The following CAMK1D variants were observed in gnomAD, a reference collection of about 807,000 sequenced individuals.
CAMK1D encodes calcium/calmodulin-dependent protein kinase type 1D.
CAMK1D carries 9 observed loss-of-function variants against 47.7 expected under a neutral mutation model. The observed-to-expected ratio is 0.19, with a 90% confidence interval of 0.11 to 0.33. The LOEUF is 0.33. Among genes scored for constraint, CAMK1D ranks in the 10% least tolerant of loss-of-function variants. The pLI, the probability that CAMK1D is intolerant of heterozygous loss-of-function variation, is 1.00. For missense variants in CAMK1D, 291 were observed against 488.7 expected (o/e 0.60, Z 3.81); for synonymous variants, 184 against 184.9 (o/e 0.99, Z 0.04).
intron 2 of CAMK1D, among the ~76,000 whole-genome samples, chr10:12,665,724 G>A (rs978040113): frequency 1.3e-5 from 2 of 152,188 alleles, no homozygotes; most frequent in Non-Finnish European, 2.9e-5. Flanking sequence ...TAGTGCCAAC[G>A]GCTAGAATTC....
intron 2 of CAMK1D, among the ~76,000 whole-genome samples, chr10:12,580,692 A>C (rs1405671637): frequency 2.0e-5 from 3 of 152,198 alleles, no homozygotes; most frequent in Non-Finnish European, 2.9e-5. Context: ...CCAGCCTAAG[A>C]AGAATGCAGG....
chr10:12,539,206 G>A (rs1836084583), intron 1 of CAMK1D, among the ~76,000 whole-genome samples: 1 of 152,136 alleles, frequency 6.6e-6, no homozygotes, highest in African/African-American at 2.4e-5. Flanking sequence ...CACAGACACA[G>A]CCAAACGTCC....
rs1833414621 is a variant in CAMK1D, at chr10:12,831,273, T to C, written c.*2386T>C. 6.6e-6 allele frequency: 1 copy of C among 152,226 alleles called. No homozygotes were observed. Among genetic ancestry groups the C allele is most frequent in the Non-Finnish European group, 1.5e-5 (1 of 68,042 alleles). The allele number at this position is 152,226 out of a possible 1,614,324, so 9.4% of individuals were successfully genotyped here. ...AATATTATAAGCAGTATTGGAGAAC[T>C]AGGCGGTTGCTTACTAAGAAGTGTC... is the stretch of plus-strand genomic sequence containing the variant. On this transcript the variant is annotated 3_prime_UTR_variant, in exon 11 of 11. Transcript: ENST00000619168.
intron 1 of CAMK1D, among the ~76,000 whole-genome samples, chr10:12,387,294 A>G (rs1014522178): frequency 4.1e-5 from 6 of 145,466 alleles, no homozygotes; most frequent in Admixed American, 1.4e-4. Flanking sequence ...TGACACTCAC[A>G]TTATATGTAT....
At chr10:12,482,563 G>A (rs1023950090) in intron 1 of CAMK1D, among the ~76,000 whole-genome samples, 1 of 152,092 alleles carries the variant, frequency 6.6e-6, no homozygotes, top group African/African-American at 2.4e-5. Context: ...GAATAGCAGA[G>A]AAAATGAAAA....
At chr10:12,380,973 A>C (rs1014243033) in intron 1 of CAMK1D, among the ~76,000 whole-genome samples, 5 of 152,190 alleles carry the variant, frequency 3.3e-5, no homozygotes, top group Admixed American at 2.0e-4. Flanking sequence ...AGTTAAAATG[A>C]ATGGTTTGAG....
intron 2 of CAMK1D, among the ~76,000 whole-genome samples, chr10:12,583,134 CA>C (rs1837712407): frequency 1.3e-5 from 2 of 151,988 alleles, no homozygotes; most frequent in African/African-American, 4.8e-5. Flanking sequence ...AATTTTTTAT[CA>C]GGGGAAGATT....
intron 1 of CAMK1D, among the ~76,000 whole-genome samples, chr10:12,425,286 T>TTCTTTC (rs1564332145): frequency 7.0e-6 from 1 of 143,094 alleles, no homozygotes. Context: ...CTTTCTTTCT[T>TTCTTTC]TTTTTTTTTT....
chr10:12,574,818 A>G (rs1295161508), intron 2 of CAMK1D, among the ~76,000 whole-genome samples: 1 of 152,126 alleles, frequency 6.6e-6, no homozygotes, highest in Non-Finnish European at 1.5e-5. Context: ...TGGCAGAAGG[A>G]GGAGCAAAGT....
intron 3 of CAMK1D, among the ~76,000 whole-genome samples, chr10:12,748,841 G>A (rs1835799641): frequency 6.6e-6 from 1 of 152,168 alleles, no homozygotes; most frequent in Admixed American, 6.5e-5. Context: ...GGAGTTCAAG[G>A]CTGCAGTGAG....
intron 5 of CAMK1D, among the ~76,000 whole-genome samples, chr10:12,784,736 G>A (rs1278125689): frequency 6.6e-6 from 1 of 151,982 alleles, no homozygotes; most frequent in Admixed American, 6.6e-5. Flanking sequence ...ATTTTTTCTT[G>A]TACCTACTCA....
chr10:12,707,545 A>C (rs1833770500), intron 3 of CAMK1D, among the ~76,000 whole-genome samples: 1 of 152,232 alleles, frequency 6.6e-6, no homozygotes, highest in Non-Finnish European at 1.5e-5. Flanking sequence ...AGGACAGGAA[A>C]TGTCTGCTGG....
chr10:12,656,473 C>T (rs189881773), intron 2 of CAMK1D, among the ~76,000 whole-genome samples: 97 of 151,978 alleles, frequency 6.4e-4, no homozygotes, highest in Non-Finnish European at 7.1e-4. Context: ...GCCTGGGTGA[C>T]GGAGTGAGAG....
At chr10:12,680,559 C>T (rs1024296051) in intron 3 of CAMK1D, among the ~76,000 whole-genome samples, 8 of 152,130 alleles carry the variant, frequency 5.3e-5, no homozygotes, top group Admixed American at 3.9e-4. Context: ...TTTCCAAAAC[C>T]GGATCTCATC....
chr10:12,599,694 T>C (rs1220645565), intron 2 of CAMK1D, among the ~76,000 whole-genome samples: 1 of 152,164 alleles, frequency 6.6e-6, no homozygotes, highest in Non-Finnish European at 1.5e-5. Context: ...ATGCTGGTGT[T>C]TTCTGAGCAT....
chr10:12,827,472 G>GTCTTTCTTTCTTTCTT (rs1244927320), intron 10 of CAMK1D, among the ~76,000 whole-genome samples: 126 of 5,094 alleles, frequency 0.025, 41 homozygotes, highest in South Asian at 0.15. Flanking sequence ...TTGTCTGTCT[G>GTCTTTCTTTCTTTCTT]TCTTTCTTTC....
intron 2 of CAMK1D, among the ~76,000 whole-genome samples, chr10:12,663,228 T>C (rs1298161216): frequency 6.6e-6 from 1 of 151,906 alleles, no homozygotes; most frequent in African/African-American, 2.4e-5. Flanking sequence ...CCCAAAGTGC[T>C]GGGATTACAG....
At chr10:12,467,781 T>C (rs1376182440) in intron 1 of CAMK1D, among the ~76,000 whole-genome samples, 1 of 152,212 alleles carries the variant, frequency 6.6e-6, no homozygotes, top group African/African-American at 2.4e-5. Context: ...TGGGTTTGTG[T>C]AATCATTTGT....
At chr10:12,459,664 TCTTC>T (rs1228060502) in intron 1 of CAMK1D, among the ~76,000 whole-genome samples, 1 of 152,260 alleles carries the variant, frequency 6.6e-6, no homozygotes, top group Admixed American at 6.5e-5. Flanking sequence ...TTATATTTTC[TCTTC>T]CTTGTCTTTT....
Sources: gnomAD v4.1 joint callset for allele counts (sites outside exome capture counted in the v4.1 genomes callset) on GRCh38, gnomAD v4.1.1 for gene constraint, MANE v1.5 for transcripts, NCBI Gene and HGNC (gene_info 2026-07-23, HGNC 2026-07-21) for gene names.